LRRC7: variants seen among roughly 807,000 people sequenced by gnomAD.
LRRC7 encodes the protein leucine-rich repeat-containing protein 7.
A neutral mutation model predicts 175.7 loss-of-function variants in LRRC7; 23 were observed. That is an observed-to-expected ratio of 0.13 (90% CI 0.09 to 0.19). The LOEUF (loss-of-function observed/expected upper bound fraction) is 0.19. Ranked by LOEUF, LRRC7 falls within the 10% of genes least tolerant of loss-of-function variation. The pLI is 1.00. For synonymous variants in LRRC7, 685 were observed against 680.9 expected (o/e 1.01, Z -0.09); for missense variants, 1,354 against 1,904.7 (o/e 0.71, Z 5.38).
rs894815944 is a variant in LRRC7 at position 70,144,217 on chromosome 1, T to G, written c.*22330T>G. The G allele has an allele frequency of 6.6e-6, 1 of 152,206 alleles. No homozygotes were observed. The highest frequency in any genetic ancestry group is 2.4e-5 in the African/African-American group (1 of 41,458). The allele number at this position is 152,206 out of a possible 1,614,324, so 9.4% of individuals were successfully genotyped here. ...AGATGCTTTCTGTACAGATACAAAA[T>G]ACAGGGACTAAAATAATGCTGTGCA... On this transcript the variant is annotated 3_prime_UTR_variant, in exon 27 of 27. Coordinates refer to ENST00000651989, the MANE Select transcript of LRRC7 (RefSeq NM_001370785.2).
chr1:70,040,396 A>G (rs536496872), intron 21 of LRRC7, among the ~76,000 whole-genome samples: 18 of 152,366 alleles, frequency 1.2e-4, no homozygotes, highest in African/African-American at 4.3e-4. Flanking sequence ...GTTTTTATAT[A>G]GAAAGAAATA....
intron 7 of LRRC7, among the ~76,000 whole-genome samples, chr1:69,865,469 C>CTTTTTTTTTTTTTTTTTTTCTTTTT (rs1684824368): frequency 2.0e-5 from 1 of 51,258 alleles, no homozygotes; most frequent in Non-Finnish European, 3.4e-5. Context: ...AAGACAGTTC[C>CTTTTTTTTTTTTTTTTTTTCTTTTT]TTTTTTTTTT....
At chr1:69,935,763 C>CT (rs1276153139) in intron 8 of LRRC7, among the ~76,000 whole-genome samples, 2 of 152,106 alleles carry the variant, frequency 1.3e-5, no homozygotes, top group Non-Finnish European at 2.9e-5. Context: ...TTTTCAGTCT[C>CT]TGGAGAGTCT....
At chr1:69,994,968 ATTCAC>A (rs985286114) in intron 11 of LRRC7, among the ~76,000 whole-genome samples, 50 of 152,224 alleles carry the variant, frequency 3.3e-4, no homozygotes, top group Middle Eastern at 3.4e-3. Flanking sequence ...GCAGCTCTGA[ATTCAC>A]TTCACTGTTT....
intron 4 of LRRC7, among the ~76,000 whole-genome samples, chr1:69,814,009 T>C (rs1274168808): frequency 6.6e-6 from 1 of 152,042 alleles, no homozygotes; most frequent in South Asian, 2.1e-4. Context: ...ATACAACAAA[T>C]ATATATAACA....
intron 3 of LRRC7, among the ~76,000 whole-genome samples, chr1:69,768,969 G>A (rs1308442200): frequency 6.6e-6 from 1 of 152,164 alleles, no homozygotes; most frequent in African/African-American, 2.4e-5. Context: ...GGGATGTGGG[G>A]TGGAATAGGT....
intron 1 of LRRC7, among the ~76,000 whole-genome samples, chr1:69,662,370 T>C (rs1173992697): frequency 6.6e-6 from 1 of 152,208 alleles, no homozygotes; most frequent in African/African-American, 2.4e-5. Flanking sequence ...TATTCTGAAT[T>C]CTATTTCTTT....
At chr1:69,970,840 A>G (rs1030331758) in intron 8 of LRRC7, among the ~76,000 whole-genome samples, 2 of 152,128 alleles carry the variant, frequency 1.3e-5, no homozygotes, top group Non-Finnish European at 2.9e-5. Flanking sequence ...AGAAAACTAC[A>G]AATCAATATC....
At position 69,882,737 on chromosome 1, in the gene LRRC7, T is replaced by C. The variant is rs575670437; in HGVS notation, c.647+44454T>C. 1.2e-3 allele frequency among the ~76,000 whole-genome samples: 176 copies of C among 150,466 alleles called. 1 individual carries two copies. The highest frequency in any genetic ancestry group is 4.2e-3 in the African/African-American group (171 of 40,990). ...CACTAACCCGTCATCTAGCATTAGG[T>C]ATATCTCCCAATGCTATCCCTCCCC... is the stretch of plus-strand genomic sequence containing the variant. On this transcript the variant is annotated intron_variant, in intron 7 of 26. Transcript: ENST00000651989.
intron 7 of LRRC7, among the ~76,000 whole-genome samples, chr1:69,854,223 A>C (rs2101481059): frequency 6.6e-6 from 1 of 152,296 alleles, no homozygotes; most frequent in African/African-American, 2.4e-5. Context: ...CATGGAACCA[A>C]GCACAGTGGC....
Position 69,641,866 on chromosome 1 carries a change from C to T in LRRC7, c.3-36515C>T, listed in dbSNP as rs543706856. Among the ~76,000 whole-genome samples the T allele has an allele frequency of 4.0e-5, 6 of 151,722 alleles. No homozygotes were observed. The East Asian group carries it at 1.2e-3, about 29-fold the overall frequency. On this transcript the variant is annotated intron_variant, in intron 1 of 26. Coordinates refer to ENST00000651989, the MANE Select transcript of LRRC7 (RefSeq NM_001370785.2). ...TGGTGACATATGCCTGTATCTTTTC[C>T]TTAAAATTATTCAAGTAGTCAAATA...
At chr1:69,605,916 A>G (rs1647479393) in intron 1 of LRRC7, among the ~76,000 whole-genome samples, 2 of 152,158 alleles carry the variant, frequency 1.3e-5, no homozygotes, top group South Asian at 4.1e-4. Context: ...TGCCAGACGT[A>G]AGGAATGATT....
chr1:69,740,203 T>C (rs1668557019), intron 2 of LRRC7, among the ~76,000 whole-genome samples: 1 of 152,054 alleles, frequency 6.6e-6, no homozygotes, highest in Non-Finnish European at 1.5e-5. Flanking sequence ...AAGAAATTAA[T>C]TTCCTCCTAG....
chr1:69,879,003 C>T (rs1686302868), intron 7 of LRRC7, among the ~76,000 whole-genome samples: 1 of 149,846 alleles, frequency 6.7e-6, no homozygotes, highest in South Asian at 2.1e-4. Context: ...TTTGTCCAAA[C>T]CCATCAAATG....
chr1:69,749,801 C>T (rs556081927), intron 2 of LRRC7, among the ~76,000 whole-genome samples: 4 of 152,060 alleles, frequency 2.6e-5, no homozygotes, highest in Non-Finnish European at 5.9e-5. Flanking sequence ...GAAAAGTTCA[C>T]GCCTGTAATC....
intron 7 of LRRC7, among the ~76,000 whole-genome samples, chr1:69,841,856 T>C (rs1428563405): frequency 6.6e-6 from 1 of 152,084 alleles, no homozygotes; most frequent in African/African-American, 2.4e-5. Context: ...ATTATTTTTC[T>C]CCACAGAAAA....
intron 7 of LRRC7, among the ~76,000 whole-genome samples, chr1:69,912,917 A>G (rs1646576592): frequency 6.6e-6 from 1 of 152,276 alleles, no homozygotes; most frequent in East Asian, 1.9e-4. Flanking sequence ...AACAAGATGT[A>G]TTCTTAAAAG....
chr1:69,665,736 A>G (rs1041688241), intron 1 of LRRC7, among the ~76,000 whole-genome samples: 2 of 151,662 alleles, frequency 1.3e-5, no homozygotes, highest in African/African-American at 2.4e-5. Flanking sequence ...GAGACGTTAG[A>G]TTTTTCCAAA....
At chr1:69,831,560 T>A (rs1229445082) in intron 5 of LRRC7, among the ~76,000 whole-genome samples, 2 of 152,086 alleles carry the variant, frequency 1.3e-5, no homozygotes, top group Non-Finnish European at 2.9e-5. Flanking sequence ...GCAGAACTCA[T>A]CTTCTCTTTG....
Sources: allele counts gnomAD v4.1 joint callset (sites outside exome capture counted in the v4.1 genomes callset), GRCh38; gene constraint gnomAD v4.1.1; transcripts MANE v1.5; gene names NCBI Gene and HGNC (gene_info 2026-07-23, HGNC 2026-07-21).